The following DNAJC10 variants were observed in gnomAD, a reference collection of about 807,000 sequenced individuals.
DNAJC10 encodes endoplasmic reticulum disulfide reductase DNAJC10.
DNAJC10 carries 101 observed loss-of-function variants against 115.0 expected under a neutral mutation model. The ratio of observed to expected loss-of-function variants is 0.88; its 90% CI spans 0.75 to 1.04. The LOEUF (loss-of-function observed/expected upper bound fraction) is 1.04, where lower values mean the gene tolerates loss of function less well. Among genes scored for constraint, DNAJC10 ranks in the 50% least tolerant of loss-of-function variants. DNAJC10 has a pLI of 0.00. For missense variants in DNAJC10, 981 were observed against 928.8 expected, an observed-to-expected ratio of 1.06 and a Z score of -0.73; for synonymous variants, 307 against 301.5, an observed-to-expected ratio of 1.02 and a Z score of -0.19.
Position 182,777,835 on chromosome 2 carries a change from AG to A in DNAJC10, c.*704del, listed in dbSNP as rs1337710606. On this transcript the variant is annotated 3_prime_UTR_variant, in exon 24 of 24. Coordinates refer to ENST00000264065, the MANE Select transcript of DNAJC10 (RefSeq NM_018981.4). ...TTTCACAGCCGAGAAACAGTGCAGC[AG>A]TATATGTGCACACAGTAAGTACACA... 1 of 152,184 alleles carries A rather than the reference AG, an allele frequency of 6.6e-6. No homozygotes were observed. Among genetic ancestry groups the A allele is most frequent in the Non-Finnish European group, 1.5e-5 (1 of 68,030 alleles). 9.4% of individuals were successfully genotyped at this position (152,184 alleles called of 1,614,324 possible). A position where few individuals can be genotyped will look rare whatever the true frequency, so the allele number is the denominator to read the frequency against.
Position 182,779,685 on chromosome 2 carries a change from A to T in DNAJC10, c.*2553A>T, listed in dbSNP as rs962873115. ...TTTTATTTAAAGGTATATGATTAAG[A>T]TAAAGGAAAAGTAAAATGAAATGTT... is the stretch of plus-strand genomic sequence containing the variant. On this transcript the variant is annotated 3_prime_UTR_variant, in exon 24 of 24. Transcript: ENST00000264065. 1 of 152,208 alleles carries T rather than the reference A, an allele frequency of 6.6e-6. No homozygotes were observed. Among genetic ancestry groups the T allele is most frequent in the African/African-American group, 2.4e-5 (1 of 41,442 alleles). The allele number at this position is 152,208 out of a possible 1,614,324, so 9.4% of individuals were successfully genotyped here.
At chr2:182,719,695 A>G (rs1456783436) in intron 3 of DNAJC10, among the ~76,000 whole-genome samples, 1 of 151,980 alleles carries the variant, frequency 6.6e-6, no homozygotes, top group African/African-American at 2.4e-5. Context: ...TAAGAGTTTC[A>G]ACAGGCTTAT....
intron 22 of DNAJC10, among the ~76,000 whole-genome samples, chr2:182,767,607 T>C (rs1005630053): frequency 1.3e-5 from 2 of 152,096 alleles, no homozygotes; most frequent in Non-Finnish European, 2.9e-5. Flanking sequence ...CTTGCAGAGC[T>C]TATAGCTTGC....
At chr2:182,731,952 T>C (rs79432910) in intron 9 of DNAJC10, among the ~76,000 whole-genome samples, 1,992 of 152,294 alleles carry the variant, frequency 0.013, 49 homozygotes, top group African/African-American at 0.046. Flanking sequence ...GAGATTCTTT[T>C]ACTTCTCACC....
chr2:182,727,617 C>T (rs1693324155), intron 5 of DNAJC10, among the ~76,000 whole-genome samples: 1 of 152,200 alleles, frequency 6.6e-6, no homozygotes, highest in South Asian at 2.1e-4. Flanking sequence ...CTGTCTTATA[C>T]TTGAAATGTA....
chr2:182,745,534 T>TAA (rs1280656702), intron 14 of DNAJC10, among the ~76,000 whole-genome samples: 5 of 152,236 alleles, frequency 3.3e-5, no homozygotes, highest in Non-Finnish European at 5.9e-5. Flanking sequence ...TAATAGAACT[T>TAA]ACATTGTTTC....
chr2:182,760,628 A>C (rs1222818152), intron 21 of DNAJC10, among the ~76,000 whole-genome samples: 1 of 152,168 alleles, frequency 6.6e-6, no homozygotes, highest in African/African-American at 2.4e-5. Flanking sequence ...CTGTCGTAAC[A>C]GTCTTATTAG....
chr2:182,736,153 G>A, intron 10 of DNAJC10, 96 bp from the exon 11 acceptor site: 1 of 1,218,346 alleles, frequency 8.2e-7, no homozygotes, highest in East Asian at 2.8e-5. Context: ...TAATTTTTTG[G>A]TAGAAAAATT....
Position 182,717,923 on chromosome 2 carries a change from C to A in DNAJC10, c.-146-18C>A. 1.4e-5 allele frequency: 7 copies of A among 496,032 alleles called. No homozygotes were observed. The highest frequency in any genetic ancestry group is 2.5e-5 in the Non-Finnish European group (7 of 284,108). 30.7% of individuals were successfully genotyped at this position (496,032 alleles called of 1,614,324 possible). A position where few individuals can be genotyped will look rare whatever the true frequency, so the allele number is the denominator to read the frequency against. On this transcript the variant is annotated intron_variant, in intron 2 of 23. Transcript: ENST00000264065. ...TTTAGTTCAAAATGTATTTTAACTG[C>A]CTGCTTTTCTTTCTTAGATTAATAT...
At chr2:182,726,808 C>T (rs1253739172) in intron 5 of DNAJC10, among the ~76,000 whole-genome samples, 1 of 152,184 alleles carries the variant, frequency 6.6e-6, no homozygotes, top group Non-Finnish European at 1.5e-5. Context: ...CATAGCTCAT[C>T]ACAGCCTTGA....
In DNAJC10 at chr2:182,750,218, C is replaced by T. The variant is rs748442140; in HGVS notation, c.1307-1440C>T. The stretch of plus-strand genomic sequence containing the variant: ...CGAAATTGCAGTTGAGTGATTGTAC[C>T]GTTCAATGTAAGTGGACTGTGGTAG... On this transcript the variant is annotated intron_variant, in intron 14 of 23. Coordinates refer to ENST00000264065, the MANE Select transcript of DNAJC10 (RefSeq NM_018981.4). Among the ~76,000 whole-genome samples, 6 of 151,980 alleles carry T rather than the reference C, an allele frequency of 3.9e-5. No individual in the cohort carries two copies. In the South Asian group the frequency reaches 6.2e-4, roughly 16 times the overall value.
intron 7 of DNAJC10, 28 bp downstream of exon 7, chr2:182,729,022 AT>A: frequency 1.9e-6 from 3 of 1,608,850 alleles, no homozygotes; most frequent in South Asian, 2.2e-5. Flanking sequence ...CATTTTTTAA[AT>A]TTGTGAAACA....
At chr2:182,769,669 G>T (rs537544438) in intron 22 of DNAJC10, among the ~76,000 whole-genome samples, 180 of 150,274 alleles carry the variant, frequency 1.2e-3, no homozygotes, top group African/African-American at 3.8e-3. Context: ...TTTTTGATGG[G>T]TTTTTTTTTA....
intron 22 of DNAJC10, among the ~76,000 whole-genome samples, chr2:182,770,938 G>A (rs1264269883): frequency 1.3e-5 from 2 of 152,176 alleles, no homozygotes; most frequent in Non-Finnish European, 2.9e-5. Context: ...AATATTGGCT[G>A]TGGGTTTGTC....
intron 5 of DNAJC10, among the ~76,000 whole-genome samples, chr2:182,724,788 A>G (rs1188492492): frequency 1.3e-5 from 2 of 152,202 alleles, no homozygotes; most frequent in African/African-American, 4.8e-5. Flanking sequence ...TGTTAGGCAC[A>G]ACATCCCATT....
In DNAJC10 at chr2:182,791,793, A is replaced by G. The variant is rs1208732570; in HGVS notation, c.*14661A>G. On this transcript the variant is annotated 3_prime_UTR_variant, in exon 24 of 24. Coordinates refer to ENST00000264065, the MANE Select transcript of DNAJC10 (RefSeq NM_018981.4). The stretch of plus-strand genomic sequence containing the variant: ...CATTTCAGTCACATGTTTCTAATAC[A>G]TGATAAGATTTGCAGTTATCGTTTA... 6.6e-6 allele frequency: 1 copy of G among 152,194 alleles called. No individual in the cohort carries two copies. The highest frequency in any genetic ancestry group is 1.5e-5 in the Non-Finnish European group (1 of 68,024). The allele number at this position is 152,194 out of a possible 1,614,324, so 9.4% of individuals were successfully genotyped here. A position where few individuals can be genotyped will look rare whatever the true frequency, so the allele number is the denominator to read the frequency against.
chr2:182,761,285 C>T (rs1017475576), intron 21 of DNAJC10, among the ~76,000 whole-genome samples: 1 of 152,012 alleles, frequency 6.6e-6, no homozygotes, highest in African/African-American at 2.4e-5. Flanking sequence ...AGTATGGTGC[C>T]ATCTCATAAG....
chr2:182,749,176 T>C (rs915511071), intron 14 of DNAJC10, among the ~76,000 whole-genome samples: 1 of 148,848 alleles, frequency 6.7e-6, no homozygotes, highest in Non-Finnish European at 1.5e-5. Context: ...TTAGGTCTGC[T>C]TGGTGCAGAG....
Position 182,768,492 on chromosome 2 carries a change from T to C in DNAJC10, c.2265+5691T>C, listed in dbSNP as rs563771912. Among the ~76,000 whole-genome samples the C allele has an allele frequency of 4.6e-5, 7 of 152,266 alleles. No individual in the cohort carries two copies. In the East Asian group the frequency reaches 1.2e-3, roughly 25 times the overall value. ...GAAAGACAAGGGTAGCATTCAGCCA[T>C]TGAGGCCAGACAGGAAGGCCAAAGC... On this transcript the variant is annotated intron_variant, in intron 22 of 23. Transcript: ENST00000264065.
Sources: allele counts gnomAD v4.1 joint callset (sites outside exome capture counted in the v4.1 genomes callset), GRCh38; gene constraint gnomAD v4.1.1; transcripts MANE v1.5; gene names NCBI Gene and HGNC (gene_info 2026-07-23, HGNC 2026-07-21).